The following LMLN variants were observed in gnomAD, a reference collection of about 807,000 sequenced individuals.
The protein encoded by LMLN is leishmanolysin like peptidase, also known as leishmanolysin-like peptidase.
In LMLN, 70 loss-of-function variants were observed where a neutral mutation model predicts 92.3. That is an observed-to-expected ratio of 0.76 (90% confidence interval 0.63 to 0.92). The LOEUF (loss-of-function observed/expected upper bound fraction) is 0.92. Ranked by LOEUF, LMLN falls within the 40% of genes least tolerant of loss-of-function variation. The probability of loss-of-function intolerance (pLI) is 0.00; values close to 1 mark genes in which losing one functional copy is unlikely to be tolerated. For missense variants in LMLN, 691 were observed against 814.6 expected (o/e 0.85, Z 1.85); for synonymous variants, 308 against 296.2 (o/e 1.04, Z -0.41).
intron 4 of LMLN, 173 bp downstream of exon 4, chr3:197,976,284 T>G (rs1721378665): frequency 3.8e-6 from 2 of 520,426 alleles, no homozygotes; most frequent in Non-Finnish European, 6.9e-6. Context: ...GGATAATCAT[T>G]CTTTCCCTGA....
chr3:198,026,078 C>A (rs575078220), intron 14 of LMLN, among the ~76,000 whole-genome samples: 6 of 152,170 alleles, frequency 3.9e-5, no homozygotes, highest in African/African-American at 1.4e-4. Flanking sequence ...CCTCAGCCAT[C>A]TGAGAAGCTG....
intron 11 of LMLN, among the ~76,000 whole-genome samples, chr3:198,001,584 C>T (rs1490086588): frequency 2.0e-5 from 3 of 152,152 alleles, no homozygotes; most frequent in Non-Finnish European, 2.9e-5. Flanking sequence ...GACCTTGCTG[C>T]GATACCAAGT....
At chr3:197,996,188 A>G in exon 10 of LMLN, 2 of 1,567,136 alleles carry the variant, frequency 1.3e-6, no homozygotes, top group Middle Eastern at 3.4e-4. Flanking sequence ...GAAGCACGAA[A>G]ACATTTTGAT....
At chr3:198,023,887 A>G (rs1581177656) in intron 13 of LMLN, among the ~76,000 whole-genome samples, 1 of 152,234 alleles carries the variant, frequency 6.6e-6, no homozygotes, top group Admixed American at 6.5e-5. Flanking sequence ...CCAGCCTAAT[A>G]TTTGTGGACT....
At chr3:197,987,158 ATTT>A (rs772089146) in intron 8 of LMLN, among the ~76,000 whole-genome samples, 2 of 77,590 alleles carry the variant, frequency 2.6e-5, no homozygotes, top group South Asian at 3.9e-4. Flanking sequence ...ATATGTTTGA[ATTT>A]TTTTTTTTTT....
chr3:198,037,777 G>T (rs1178594048), intron 15 of LMLN, among the ~76,000 whole-genome samples: 1 of 152,156 alleles, frequency 6.6e-6, no homozygotes, highest in African/African-American at 2.4e-5. Context: ...AACCTATGAG[G>T]ACACCTCATG....
chr3:198,033,684 G>C (rs569621760), intron 14 of LMLN, among the ~76,000 whole-genome samples: 2 of 152,334 alleles, frequency 1.3e-5, no homozygotes, highest in South Asian at 4.1e-4. Context: ...TTACAGGCAT[G>C]AGCCGCTGTG....
intron 9 of LMLN, among the ~76,000 whole-genome samples, chr3:197,995,341 C>T (rs574461170): frequency 1.3e-5 from 2 of 152,214 alleles, no homozygotes; most frequent in East Asian, 3.9e-4. Flanking sequence ...ATGGGGAAAT[C>T]AACAGTTATA....
chr3:197,986,823 G>C (rs1220392531), intron 8 of LMLN, among the ~76,000 whole-genome samples: 7 of 150,966 alleles, frequency 4.6e-5, no homozygotes, highest in Admixed American at 1.3e-4. Flanking sequence ...TTAATGTTCT[G>C]TATGTTTGAA....
chr3:198,024,835 A>C (rs1321082031), intron 14 of LMLN, 47 bp downstream of exon 15: 1 of 1,492,754 alleles, frequency 6.7e-7, no homozygotes, highest in Non-Finnish European at 9.1e-7. Context: ...ATGTGATTTT[A>C]TCTCTTTTAT....
chr3:197,970,055 G>A lies in LMLN; in HGVS notation c.220-4322G>A, dbSNP rs540648720. On this transcript the variant is annotated intron_variant, in intron 1 of 15. Coordinates refer to ENST00000330198, the Ensembl canonical transcript of LMLN. The stretch of plus-strand genomic sequence containing the variant: ...TAATCCCTGCTACTCAGGAGGCTGA[G>A]GCAGGAGAATTGCTTGAACCCAGGA... 7.2e-5 allele frequency among the ~76,000 whole-genome samples: 11 copies of A among 152,178 alleles called. No individual in the cohort carries two copies. The East Asian group carries it at 1.9e-3, about 27-fold the overall frequency.
chr3:198,021,522 G>A, exon 13 of LMLN: 1 of 1,613,952 alleles, frequency 6.2e-7, no homozygotes, highest in Non-Finnish European at 8.5e-7. Flanking sequence ...GCTGACTACT[G>A]CCCTTTCAGT....
At chr3:198,038,379 T>G in intron 15 of LMLN, 188 bp from the exon 17 acceptor site, 1 of 533,514 alleles carries the variant, frequency 1.9e-6, no homozygotes, top group Non-Finnish European at 3.4e-6. Flanking sequence ...TCTTCCTCCA[T>G]ATATATTTTT....
intron 5 of LMLN, among the ~76,000 whole-genome samples, chr3:197,978,229 T>G (rs1482513089): frequency 3.3e-5 from 5 of 152,268 alleles, no homozygotes; most frequent in African/African-American, 9.6e-5. Context: ...TATAAAAATG[T>G]TAATCATTTC....
intron 14 of LMLN, among the ~76,000 whole-genome samples, chr3:198,026,312 CT>C (rs986462109): frequency 4.6e-5 from 7 of 150,932 alleles, no homozygotes; most frequent in Non-Finnish European, 8.9e-5. Context: ...GTAAAATTAA[CT>C]TTTTTTTTCA....
At chr3:198,024,626 A>AT (rs752957307) in intron 13 of LMLN, 32 bp from the exon 15 acceptor site, 1 of 1,528,796 alleles carries the variant, frequency 6.5e-7, no homozygotes, top group Non-Finnish European at 8.8e-7. Flanking sequence ...CCAAAAGTCA[A>AT]TTTTTAAGGA....
exon 6 of LMLN, chr3:197,980,496 C>T (rs1448857512): frequency 6.2e-7 from 1 of 1,612,388 alleles, no homozygotes; most frequent in Non-Finnish European, 8.5e-7. Flanking sequence ...AGGAAGCAAA[C>T]ATGGACAGGT....
At chr3:197,962,250 C>T (rs964776625) in intron 1 of LMLN, among the ~76,000 whole-genome samples, 3 of 151,888 alleles carry the variant, frequency 2.0e-5, no homozygotes, top group African/African-American at 7.3e-5. Flanking sequence ...ATGTACTCCT[C>T]TGTATTTGGC....
intron 1 of LMLN, among the ~76,000 whole-genome samples, chr3:197,965,366 T>C (rs377516333): frequency 1.3e-5 from 2 of 152,230 alleles, no homozygotes; most frequent in African/African-American, 4.8e-5. Flanking sequence ...CTGTTTAATT[T>C]TTCACGTGTA....
Sources: allele counts gnomAD v4.1 joint callset (sites outside exome capture counted in the v4.1 genomes callset), GRCh38; gene constraint gnomAD v4.1.1; transcripts MANE v1.5; gene names NCBI Gene and HGNC (gene_info 2026-07-23, HGNC 2026-07-21).